DNM3: variants seen among roughly 807,000 people sequenced by gnomAD.
DNM3 encodes the protein dynamin 3, also known as dynamin-3.
Under a neutral mutation model 101.6 loss-of-function variants are expected in DNM3, and 47 were observed. The ratio of observed to expected loss-of-function variants is 0.46; its 90% confidence interval spans 0.37 to 0.59. The LOEUF (loss-of-function observed/expected upper bound fraction) is 0.59. Among genes scored for constraint, DNM3 ranks in the 20% least tolerant of loss-of-function variants. The pLI is 0.00. For missense variants in DNM3, 849 were observed against 1,085.7 expected (o/e 0.78, Z 3.06); for synonymous variants, 385 against 387.9 (o/e 0.99, Z 0.09).
intron 17 of DNM3, among the ~76,000 whole-genome samples, chr1:172,368,267 T>G (rs918288310): frequency 5.3e-5 from 8 of 151,816 alleles, no homozygotes; most frequent in African/African-American, 1.5e-4. Context: ...CAAAATCATA[T>G]GAAATATATT....
At chr1:172,006,842 C>G (rs1044116346) in intron 4 of DNM3, among the ~76,000 whole-genome samples, 1 of 152,054 alleles carries the variant, frequency 6.6e-6, no homozygotes, top group Admixed American at 6.6e-5. Flanking sequence ...TCCAAGAAAC[C>G]ATTGAACTGT....
chr1:171,970,646 C>T (rs529321755), intron 2 of DNM3, among the ~76,000 whole-genome samples: 6 of 109,172 alleles, frequency 5.5e-5, no homozygotes, highest in South Asian at 6.0e-4. Flanking sequence ...CTTATGTAAG[C>T]GCTGTATTCT....
At chr1:172,338,825 TAATC>T in intron 17 of DNM3, 1 of 483,952 alleles carries the variant, frequency 2.1e-6, no homozygotes, top group South Asian at 1.5e-5. Flanking sequence ...CCTAAGTGTA[TAATC>T]AATCCTTCAT....
At chr1:171,975,872 A>T (rs2044331161) in intron 2 of DNM3, among the ~76,000 whole-genome samples, 1 of 152,208 alleles carries the variant, frequency 6.6e-6, no homozygotes, top group African/African-American at 2.4e-5. Flanking sequence ...TAGCCAGCAG[A>T]GAGACTGCTT....
chr1:171,988,662 C>T (rs373399734), intron 3 of DNM3, among the ~76,000 whole-genome samples: 3 of 152,100 alleles, frequency 2.0e-5, no homozygotes, highest in African/African-American at 2.4e-5. Context: ...TTAATTATAA[C>T]CCCCTAGTTA....
At chr1:172,386,944 T>TA (rs1249743109) in intron 18 of DNM3, 189 bp from the exon 19 acceptor site, 1 of 550,668 alleles carries the variant, frequency 1.8e-6, no homozygotes, top group Non-Finnish European at 3.3e-6. Context: ...GGGAAACTGT[T>TA]ACTGTCACCA....
intron 12 of DNM3, 115 bp downstream of exon 12, chr1:172,082,017 T>G (rs1016312179): frequency 3.7e-6 from 4 of 1,081,452 alleles, no homozygotes; most frequent in Non-Finnish European, 5.5e-6. Flanking sequence ...GTGCCAGGAT[T>G]AACTCTCAGT....
At chr1:171,949,128 T>C (rs2042345446) in intron 2 of DNM3, among the ~76,000 whole-genome samples, 1 of 152,182 alleles carries the variant, frequency 6.6e-6, no homozygotes. Context: ...TGGGAAATTG[T>C]CGATTATATT....
intron 17 of DNM3, among the ~76,000 whole-genome samples, chr1:172,369,880 T>A (rs77118298): frequency 6.6e-6 from 1 of 151,940 alleles, no homozygotes; most frequent in African/African-American, 2.4e-5. Context: ...CCAGGTGTTG[T>A]CAGGTTGGTT....
At chr1:171,881,749 T>C in intron 1 of DNM3, among the ~76,000 whole-genome samples, 1 of 123,040 alleles carries the variant, frequency 8.1e-6, no homozygotes, top group African/African-American at 3.0e-5. Context: ...TGGCCTCCAG[T>C]GGGTGCTGAC....
At chr1:171,997,982 T>C (rs1387836023) in intron 4 of DNM3, among the ~76,000 whole-genome samples, 1 of 152,134 alleles carries the variant, frequency 6.6e-6, no homozygotes, top group Non-Finnish European at 1.5e-5. Flanking sequence ...CATGTGCATA[T>C]GTTATAATCC....
In DNM3 at chr1:172,300,287, G is replaced by A. The variant is rs570296264; in HGVS notation, c.1770-8441G>A. Among the ~76,000 whole-genome samples, 16 of 152,054 alleles carry A rather than the reference G, an allele frequency of 1.1e-4. 2 individuals carry two copies. In the South Asian group the frequency reaches 2.5e-3, roughly 24 times the overall value. The stretch of plus-strand genomic sequence containing the variant: ...AGTTCCCTATAAATTCTGGATATTA[G>A]ACCTTTGTTTGATGCATAATTTGTA... On this transcript the variant is annotated intron_variant, in intron 15 of 20. Transcript: ENST00000627582.
intron 14 of DNM3, among the ~76,000 whole-genome samples, chr1:172,218,453 A>C (rs2060784761): frequency 6.6e-6 from 1 of 152,104 alleles, no homozygotes; most frequent in South Asian, 2.1e-4. Context: ...TTTCACTGTA[A>C]CAAGGTGAAG....
At chr1:172,081,768 C>A in intron 11 of DNM3, 64 bp from the exon 12 acceptor site, 2 of 1,340,496 alleles carry the variant, frequency 1.5e-6, no homozygotes, top group Non-Finnish European at 2.1e-6. Context: ...TGGGCAATTA[C>A]TGAATTTAAT....
chr1:172,298,422 A>G (rs1374416914), intron 15 of DNM3, among the ~76,000 whole-genome samples: 1 of 152,206 alleles, frequency 6.6e-6, no homozygotes, highest in Non-Finnish European at 1.5e-5. Flanking sequence ...AGCCTTCTGC[A>G]TTAGAGTAGA....
chr1:172,245,634 G>T (rs575096867), intron 14 of DNM3, among the ~76,000 whole-genome samples: 1 of 152,194 alleles, frequency 6.6e-6, no homozygotes, highest in Non-Finnish European at 1.5e-5. Flanking sequence ...TCACATTTCT[G>T]GGAGACGTGT....
chr1:172,149,483 T>C (rs2058046717), intron 14 of DNM3, among the ~76,000 whole-genome samples: 1 of 152,204 alleles, frequency 6.6e-6, no homozygotes, highest in Admixed American at 6.5e-5. Flanking sequence ...GATTAGAAAA[T>C]TGTTGCTGGC....
At chr1:171,980,203 T>A (rs753816357) in intron 2 of DNM3, among the ~76,000 whole-genome samples, 6 of 151,300 alleles carry the variant, frequency 4.0e-5, no homozygotes, top group Non-Finnish European at 8.8e-5. Context: ...AGCAATACAG[T>A]TGAGTTCTGT....
chr1:171,938,102 T>C (rs1404524604), intron 2 of DNM3, among the ~76,000 whole-genome samples: 2 of 152,004 alleles, frequency 1.3e-5, no homozygotes, highest in Non-Finnish European at 2.9e-5. Flanking sequence ...ATGGCATCTG[T>C]ATAGAAGTCT....
Sources: allele counts gnomAD v4.1 joint callset (sites outside exome capture counted in the v4.1 genomes callset), GRCh38; gene constraint gnomAD v4.1.1; transcripts MANE v1.5; gene names NCBI Gene and HGNC (gene_info 2026-07-23, HGNC 2026-07-21).